PIWIL3: variants seen among roughly 807,000 people sequenced by gnomAD.
The protein encoded by PIWIL3 is piwi-like protein 3.
Under a neutral mutation model 109.7 loss-of-function variants are expected in PIWIL3, and 101 were observed. The observed-to-expected ratio is 0.92, with a 90% confidence interval of 0.78 to 1.09. The LOEUF is 1.09. PIWIL3 is among the 50% of genes least tolerant of loss of function. The pLI is 0.00. For missense variants in PIWIL3, 1,031 were observed against 1,072.6 expected (o/e 0.96, Z 0.54); for synonymous variants, 373 against 376.4 (o/e 0.99, Z 0.10).
rs1275023259 is a variant in PIWIL3, at chr22:24,724,971, C to G, written c.2147G>C (p.Gly716Ala). 6.2e-7 allele frequency: 1 copy of G among 1,614,208 alleles called. No homozygotes were observed. Among genetic ancestry groups the G allele is most frequent in the Admixed American group, 1.7e-5 (1 of 60,026 alleles). The change falls in exon 18 of 21, where the codon GGA becomes GCA. Residue 716 changes from glycine (G) to alanine (A), a missense_variant. Gly to Ala is a moderately conservative substitution (Grantham distance 60, BLOSUM62 0). Coordinates refer to ENST00000616349, the MANE Select transcript of PIWIL3 (RefSeq NM_001255975.1). Reference protein sequence around the residue: ...MPHSVIVYRDGVGDGQLQALL... With the variant: ...MPHSVIVYRDAVGDGQLQALL... ...TGCTTGAAGCTGACCATCTCCCACTCCATCCCGATACACAATAACAGAATG... is the reference window on the plus strand; with the variant it reads ...TGCTTGAAGCTGACCATCTCCCACTGCATCCCGATACACAATAACAGAATG...
intron 2 of PIWIL3, among the ~76,000 whole-genome samples, chr22:24,760,552 C>T (rs984591913): frequency 4.2e-4 from 64 of 151,638 alleles, no homozygotes; most frequent in Non-Finnish European, 8.5e-4. Context: ...CTTTGGGAGG[C>T]CGAGGCAGCC....
In PIWIL3 at chr22:24,751,198, C is replaced by T. The variant is rs571382942; in HGVS notation, c.1089+189G>A. 1.4e-3 allele frequency among the ~76,000 whole-genome samples: 209 copies of T among 151,996 alleles called. 2 individuals carry two copies. The highest frequency in any genetic ancestry group is 2.5e-3 in the Non-Finnish European group (167 of 67,986). ...AAGAAGGGATCACACTGGCACCATT[C>T]TAGTTATGTGACATTACCCTATATA... On this transcript the variant is annotated intron_variant, in intron 9 of 20. Transcript: ENST00000616349.
intron 14 of PIWIL3, 76 bp from the exon 15 acceptor site, chr22:24,728,450 G>C: frequency 6.4e-7 from 1 of 1,564,982 alleles, no homozygotes; most frequent in South Asian, 1.1e-5. Flanking sequence ...TCTGGAGCAG[G>C]CAACTTAGGT....
rs140755762 is a variant in PIWIL3 at position 24,724,053 on chromosome 22, C to A, written c.2232-798G>T. On this transcript the variant is annotated intron_variant, in intron 18 of 20. Coordinates refer to ENST00000616349, the MANE Select transcript of PIWIL3 (RefSeq NM_001255975.1). Reference sequence around the variant, plus strand: ...GACTTGAAACAAAGTAGGAAGATTCCCTGGAACTTTGTGGTGGAAGCGGTC... The same window carrying A: ...GACTTGAAACAAAGTAGGAAGATTCACTGGAACTTTGTGGTGGAAGCGGTC... Among the ~76,000 whole-genome samples, 835 of 152,196 alleles carry A rather than the reference C, an allele frequency of 5.5e-3. 7 individuals carry two copies. The highest frequency in any genetic ancestry group is 0.018 in the African/African-American group (762 of 41,522).
At chr22:24,764,304 C>A (rs566493941) in intron 1 of PIWIL3, among the ~76,000 whole-genome samples, 2 of 152,354 alleles carry the variant, frequency 1.3e-5, no homozygotes, top group African/African-American at 4.8e-5. Flanking sequence ...TCACCATTAA[C>A]CATTCCTGGA....
intron 1 of PIWIL3, among the ~76,000 whole-genome samples, chr22:24,767,551 CA>C (rs111565589): frequency 0.033 from 3,650 of 112,134 alleles, 135 homozygotes; most frequent in African/African-American, 0.1. Context: ...AACTCTGTCT[CA>C]AAAAAAAAAA....
chr22:24,772,758 A>G (rs946677679), intron 1 of PIWIL3, among the ~76,000 whole-genome samples: 4 of 152,232 alleles, frequency 2.6e-5, no homozygotes, highest in Admixed American at 6.5e-5. Context: ...GACTAGAAGG[A>G]GAACTGAAGA....
rs1402477642 is a variant in PIWIL3, at chr22:24,754,125, A to G, written c.866T>C (p.Leu289Pro). The change falls in exon 8 of 21, where the codon CTC (leucine) becomes CCC (proline). Residue 289 changes from leucine to proline, a missense_variant. By Grantham distance (98) the Leu-to-Pro change is moderately conservative. Transcript: ENST00000616349. ...GAAATCATAAGCAGTTTCTATTCGGAGCAGTTTGTGGCTCACATCGGCACA... is the reference window on the plus strand; with the variant it reads ...GAAATCATAAGCAGTTTCTATTCGGGGCAGTTTGTGGCTCACATCGGCACA... ...TLCADVSHKLLRIETAYDFIK... is the reference protein window; with the variant it reads ...TLCADVSHKLPRIETAYDFIK... 1 of 1,613,820 alleles carries G rather than the reference A, an allele frequency of 6.2e-7. No homozygotes were observed. The highest frequency in any genetic ancestry group is 2.2e-5 in the East Asian group (1 of 44,876).
At chr22:24,750,482 ATTT>A (rs1241174453) in intron 9 of PIWIL3, among the ~76,000 whole-genome samples, 1 of 114,296 alleles carries the variant, frequency 8.7e-6, no homozygotes, top group Admixed American at 1.0e-4. Flanking sequence ...ACCACATTTG[ATTT>A]TTTTTCTTTT....
Position 24,719,860 on chromosome 22 carries a change from T to C in PIWIL3, c.2393A>G (p.Asp798Gly). ...ATAATGAGTGGGGGTAACAGTCCCA[T>C]CTTGCACAGACTGACTCACAATAAA... ...DFFIVSQSVQ[D>G]GTVTPTHYNV... The change falls in exon 20 of 21, where the codon GAT becomes GGT. Residue 798 changes from aspartate to glycine, a missense_variant. By Grantham distance (94) the Asp-to-Gly change is moderately conservative (BLOSUM62 -1). Coordinates refer to ENST00000616349, the MANE Select transcript of PIWIL3 (RefSeq NM_001255975.1). 1 of 1,611,984 alleles carries C rather than the reference T, an allele frequency of 6.2e-7. No individual in the cohort carries two copies. The highest frequency in any genetic ancestry group is 8.5e-7 in the Non-Finnish European group (1 of 1,178,200).
At chr22:24,747,892 A>C (rs1056077115) in intron 12 of PIWIL3, among the ~76,000 whole-genome samples, 1 of 152,184 alleles carries the variant, frequency 6.6e-6, no homozygotes, top group Non-Finnish European at 1.5e-5. Context: ...AAAACACTAA[A>C]AATAGAGCTA....
chr22:24,756,612 T>G lies in PIWIL3; in HGVS notation c.449A>C (p.Lys150Thr). The change falls in exon 5 of 21, where the codon AAA (lysine) becomes ACA (threonine). Residue 150 changes from lysine (K) to threonine (T), a missense_variant. Coordinates refer to ENST00000616349, the MANE Select transcript of PIWIL3 (RefSeq NM_001255975.1). Reference protein sequence around the residue: ...WVAYKYNVDYKPDIEDGNLRT... With the variant: ...WVAYKYNVDYTPDIEDGNLRT... ...GAGATTTCCATCTTCTATGTCTGGT[T>G]TGTAGTCAACGTTGTATTTATATGC... The G allele has an allele frequency of 6.2e-7, 1 of 1,614,084 alleles. No individual in the cohort carries two copies. Among genetic ancestry groups the G allele is most frequent in the Non-Finnish European group, 8.5e-7 (1 of 1,179,938 alleles).
At chr22:24,721,314 C>T (rs1334228194) in intron 19 of PIWIL3, among the ~76,000 whole-genome samples, 1 of 152,088 alleles carries the variant, frequency 6.6e-6, no homozygotes, top group Non-Finnish European at 1.5e-5. Flanking sequence ...CCTGTGGTTG[C>T]TTTTAAATTT....
At chr22:24,759,058 T>A (rs1286904221) in intron 3 of PIWIL3, among the ~76,000 whole-genome samples, 1 of 152,206 alleles carries the variant, frequency 6.6e-6, no homozygotes, top group East Asian at 1.9e-4. Context: ...CATGCCCAGC[T>A]AATTTGTATA....
Position 24,767,661 on chromosome 22 carries a change from G to A in PIWIL3, c.-22-5140C>T, listed in dbSNP as rs554867208. Among the ~76,000 whole-genome samples the A allele has an allele frequency of 1.1e-3, 169 of 151,968 alleles. 1 individual carries two copies. The highest frequency in any genetic ancestry group is 3.9e-3 in the African/African-American group (160 of 41,446). On this transcript the variant is annotated intron_variant, in intron 1 of 20. Coordinates refer to ENST00000616349, the MANE Select transcript of PIWIL3 (RefSeq NM_001255975.1). Reference sequence around the variant, plus strand: ...AACATGCATAATGGGAATATCATAAGGAAAGAAAGAGAGAAAGGAACAGGA... The same window carrying A: ...AACATGCATAATGGGAATATCATAAAGAAAGAAAGAGAGAAAGGAACAGGA...
intron 12 of PIWIL3, among the ~76,000 whole-genome samples, chr22:24,741,500 T>C (rs1569102675): frequency 6.6e-6 from 1 of 151,888 alleles, no homozygotes; most frequent in Non-Finnish European, 1.5e-5. Context: ...TGAGAATTTG[T>C]TTCAAAAAAA....
intron 18 of PIWIL3, 146 bp from the exon 19 acceptor site, chr22:24,723,401 C>G: frequency 1.3e-6 from 1 of 790,838 alleles, no homozygotes; most frequent in African/African-American, 1.7e-5. Flanking sequence ...ACTGTCTAAG[C>G]TCCATGTGCC....
chr22:24,734,802 T>C (rs2147665627), intron 13 of PIWIL3, among the ~76,000 whole-genome samples: 1 of 148,970 alleles, frequency 6.7e-6, no homozygotes, highest in Non-Finnish European at 1.5e-5. Context: ...CAGGAGAAGC[T>C]AGTTAACCAG....
chr22:24,771,785 G>A (rs1926147506), intron 1 of PIWIL3, among the ~76,000 whole-genome samples: 1 of 151,664 alleles, frequency 6.6e-6, no homozygotes, highest in Admixed American at 6.6e-5. Flanking sequence ...CCAGGCTGGA[G>A]TGCAATGGCA....
Sources: gnomAD v4.1 joint callset for allele counts (sites outside exome capture counted in the v4.1 genomes callset) on GRCh38, gnomAD v4.1.1 for gene constraint, MANE v1.5 for transcripts, NCBI Gene and HGNC (gene_info 2026-07-23, HGNC 2026-07-21) for gene names.